PRR16: variants seen among roughly 807,000 people sequenced by gnomAD.
PRR16 encodes the protein protein Largen.
In PRR16, 6 loss-of-function variants were observed where a neutral mutation model predicts 18.2. The ratio of observed to expected loss-of-function variants is 0.33; its 90% CI spans 0.18 to 0.65. The LOEUF (loss-of-function observed/expected upper bound fraction) is 0.65. PRR16 is among the 30% of genes least tolerant of loss of function. The probability of loss-of-function intolerance (pLI) is 0.74; values close to 1 mark genes in which losing one functional copy is unlikely to be tolerated. For missense variants in PRR16, 412 were observed against 376.6 expected (o/e 1.09, Z -0.78); for synonymous variants, 151 against 147.8 (o/e 1.02, Z -0.16).
the PRR16 span, among the ~76,000 whole-genome samples, chr5:120,788,431 G>T: frequency 6.6e-6 from 1 of 152,052 alleles, no homozygotes; most frequent in Non-Finnish European, 1.5e-5. Context: ...CCACACATTT[G>T]TGGAAAGTCG....
At chr5:120,779,859 C>A in the PRR16 span, among the ~76,000 whole-genome samples, 4 of 152,098 alleles carry the variant, frequency 2.6e-5, no homozygotes, top group African/African-American at 4.8e-5. Flanking sequence ...GCTCTCCCAT[C>A]GACGTGTGCC....
At chr5:120,604,278 T>A (rs573355273) in intron 1 of PRR16, among the ~76,000 whole-genome samples, 2 of 152,270 alleles carry the variant, frequency 1.3e-5, no homozygotes, top group Admixed American at 1.3e-4. Flanking sequence ...AGTCTTCTTT[T>A]TGAATTGAAC....
chr5:120,669,671 T>C (rs577359516), intron 1 of PRR16, among the ~76,000 whole-genome samples: 1 of 152,126 alleles, frequency 6.6e-6, no homozygotes, highest in Non-Finnish European at 1.5e-5. Flanking sequence ...AAGAGGTGTT[T>C]TTTAAATAAT....
the PRR16 span, among the ~76,000 whole-genome samples, chr5:120,767,967 A>G: frequency 1.3e-5 from 2 of 151,844 alleles, no homozygotes; most frequent in African/African-American, 2.4e-5. Context: ...AAAAGGGTAC[A>G]GTGTTTCTCA....
At chr5:120,638,200 C>T (rs767400695) in intron 1 of PRR16, among the ~76,000 whole-genome samples, 23 of 151,996 alleles carry the variant, frequency 1.5e-4, no homozygotes, top group Non-Finnish European at 2.8e-4. Context: ...TAGAATTTTC[C>T]GCTTGGGGCA....
At chr5:120,699,941 C>T in the PRR16 span, among the ~76,000 whole-genome samples, 9,100 of 152,224 alleles carry the variant, frequency 0.06, 328 homozygotes, top group South Asian at 0.086. Flanking sequence ...GTAATGGGGG[C>T]TGTCTGTGAA....
intron 1 of PRR16, among the ~76,000 whole-genome samples, chr5:120,553,694 G>A (rs147647628): frequency 1.5e-4 from 22 of 149,634 alleles, no homozygotes; most frequent in African/African-American, 3.0e-4. Flanking sequence ...CATAATAACC[G>A]TCTTTCATTC....
intron 1 of PRR16, among the ~76,000 whole-genome samples, chr5:120,478,860 GCATTTTT>G (rs1426782810): frequency 6.6e-6 from 1 of 151,898 alleles, no homozygotes; most frequent in Non-Finnish European, 1.5e-5. Flanking sequence ...GGAATATCAT[GCATTTTT>G]CTTGCCTTTA....
chr5:120,670,695 G>A (rs879313891), intron 1 of PRR16, among the ~76,000 whole-genome samples: 9 of 152,062 alleles, frequency 5.9e-5, no homozygotes, highest in Non-Finnish European at 1.3e-4. Flanking sequence ...ATTAAACCAA[G>A]GATAATGTCC....
At chr5:120,666,525 C>T (rs1756382825) in intron 1 of PRR16, among the ~76,000 whole-genome samples, 2 of 151,794 alleles carry the variant, frequency 1.3e-5, no homozygotes, top group South Asian at 4.2e-4. Flanking sequence ...GAGGGCATCC[C>T]TGTCTTGTGC....
At chr5:120,573,178 T>A (rs1218649100) in intron 1 of PRR16, among the ~76,000 whole-genome samples, 1 of 151,708 alleles carries the variant, frequency 6.6e-6, no homozygotes, top group Non-Finnish European at 1.5e-5. Flanking sequence ...TCTGTGACTT[T>A]AAGTCTGTGA....
At chr5:120,783,834 T>C in the PRR16 span, among the ~76,000 whole-genome samples, 1 of 152,162 alleles carries the variant, frequency 6.6e-6, no homozygotes, top group Non-Finnish European at 1.5e-5. Flanking sequence ...AACTGAATTT[T>C]TGTACCCATT....
intron 1 of PRR16, among the ~76,000 whole-genome samples, chr5:120,470,283 A>G (rs1459932754): frequency 6.6e-6 from 1 of 152,136 alleles, no homozygotes; most frequent in African/African-American, 2.4e-5. Context: ...GGCACTATTA[A>G]AAAAATCAAA....
the PRR16 span, among the ~76,000 whole-genome samples, chr5:120,773,012 G>C: frequency 6.6e-6 from 1 of 152,054 alleles, no homozygotes; most frequent in Admixed American, 6.6e-5. Context: ...TTGAGGTACT[G>C]TAAGTATACT....
intron 1 of PRR16, among the ~76,000 whole-genome samples, chr5:120,539,562 T>C (rs1361561284): frequency 2.0e-5 from 3 of 152,100 alleles, no homozygotes; most frequent in African/African-American, 7.2e-5. Flanking sequence ...CTATCGGGTA[T>C]TATACTGATT....
chr5:120,649,234 A>G (rs770912405), intron 1 of PRR16, among the ~76,000 whole-genome samples: 1 of 152,064 alleles, frequency 6.6e-6, no homozygotes, highest in Admixed American at 6.6e-5. Flanking sequence ...ATTATTTTGA[A>G]GTTAGTATGA....
chr5:120,722,834 C>A, the PRR16 span, among the ~76,000 whole-genome samples: 1 of 126,088 alleles, frequency 7.9e-6, no homozygotes, highest in Admixed American at 7.6e-5. Context: ...AGCAATAGCA[C>A]CTGGAGTTGG....
At chr5:120,581,443 T>C (rs971479346) in intron 1 of PRR16, among the ~76,000 whole-genome samples, 1 of 152,220 alleles carries the variant, frequency 6.6e-6, no homozygotes, top group South Asian at 2.1e-4. Flanking sequence ...AGTCTATCTA[T>C]TTTGTTAATT....
At chr5:120,465,511 A>G in intron 1 of PRR16, 1 of 152,390 alleles carries the variant, frequency 6.6e-6, no homozygotes, top group Non-Finnish European at 1.5e-5. Flanking sequence ...CCCTAGCCCC[A>G]GGTGATCCAG....
Sources: allele counts gnomAD v4.1 joint callset (sites outside exome capture counted in the v4.1 genomes callset), GRCh38; gene constraint gnomAD v4.1.1; transcripts MANE v1.5; gene names NCBI Gene and HGNC (gene_info 2026-07-23, HGNC 2026-07-21).